The following RTL4 variants were observed in gnomAD, a reference collection of about 807,000 sequenced individuals.
The protein encoded by RTL4 is retrotransposon Gag-like protein 4.
RTL4 carries 4 observed loss-of-function variants against 5.3 expected under a neutral mutation model. That is an observed-to-expected ratio of 0.75 (90% CI 0.37 to 1.72). The LOEUF (loss-of-function observed/expected upper bound fraction) is 1.72. Among genes scored for constraint, RTL4 ranks in the 40% most tolerant of loss-of-function variants. RTL4 has a pLI of 0.04. For synonymous variants in RTL4, 98 were observed against 87.3 expected (o/e 1.12, Z -0.68); for missense variants, 260 against 227.1 (o/e 1.14, Z -0.93).
the RTL4 span, among the ~76,000 whole-genome samples, chrX:112,368,482 G>T: frequency 9.0e-6 from 1 of 110,944 alleles, no homozygotes; most frequent in Admixed American, 9.6e-5. Flanking sequence ...TAGATAATTG[G>T]TTCTCAATAT....
chrX:112,401,816 T>G, the RTL4 span, among the ~76,000 whole-genome samples: 1 of 112,333 alleles, frequency 8.9e-6, no homozygotes, highest in South Asian at 3.7e-4. Flanking sequence ...CCTTAAATAC[T>G]TTAATCAACT....
the RTL4 span, among the ~76,000 whole-genome samples, chrX:112,399,826 A>G: frequency 9.0e-6 from 1 of 111,478 alleles, no homozygotes; most frequent in African/African-American, 3.3e-5. Context: ...ATAGCTCAAA[A>G]AGCCTTGATA....
At chrX:112,455,423 T>G in exon 1 of RTL4, 3 of 1,210,836 alleles carry the variant, frequency 2.5e-6, no homozygotes, top group Non-Finnish European at 3.4e-6. Context: ...GAGACCCAGC[T>G]CCCATTGTTG....
the RTL4 span, among the ~76,000 whole-genome samples, chrX:112,387,340 A>G: frequency 9.6e-6 from 1 of 104,264 alleles, no homozygotes. Context: ...CTCTTTAATT[A>G]AGTCCCACCT....
At chrX:112,198,578 A>G in the RTL4 span, among the ~76,000 whole-genome samples, 176 of 111,631 alleles carry the variant, frequency 1.6e-3, 1 homozygote, top group African/African-American at 5.5e-3. Context: ...TTTGTCCTCT[A>G]TTATTCAATA....
the RTL4 span, among the ~76,000 whole-genome samples, chrX:112,215,005 G>C: frequency 9.0e-6 from 1 of 111,272 alleles, no homozygotes; most frequent in African/African-American, 3.3e-5. Context: ...AGCCAGGATG[G>C]TCTCGATCTC....
the RTL4 span, among the ~76,000 whole-genome samples, chrX:112,113,808 C>T: frequency 8.9e-6 from 1 of 111,828 alleles, no homozygotes; most frequent in Admixed American, 9.5e-5. Flanking sequence ...CAAGCCACAC[C>T]AGTTGATTGG....
At chrX:112,367,656 A>G in the RTL4 span, among the ~76,000 whole-genome samples, 954 of 112,082 alleles carry the variant, frequency 8.5e-3, 16 homozygotes, top group African/African-American at 0.03. Context: ...GCACTCCACT[A>G]TATGCCAGGC....
the RTL4 span, among the ~76,000 whole-genome samples, chrX:112,305,675 C>A: frequency 1.1e-4 from 12 of 111,808 alleles, no homozygotes; most frequent in African/African-American, 3.9e-4. Flanking sequence ...ACAACCATAC[C>A]TTTTTAAATA....
At chrX:112,151,620 T>C in the RTL4 span, among the ~76,000 whole-genome samples, 1 of 112,203 alleles carries the variant, frequency 8.9e-6, no homozygotes, top group South Asian at 3.8e-4. Context: ...TTCCATTCAT[T>C]AGTCTCTCAG....
chrX:112,356,583 T>G, the RTL4 span, among the ~76,000 whole-genome samples: 1 of 105,410 alleles, frequency 9.5e-6, no homozygotes, highest in African/African-American at 3.6e-5. Flanking sequence ...TTTTGGGGTG[T>G]GTGTGTGTGT....
chrX:112,190,218 T>G, the RTL4 span, among the ~76,000 whole-genome samples: 2 of 92,199 alleles, frequency 2.2e-5, no homozygotes. Context: ...TTTCTATACC[T>G]ATGAAATTCT....
chrX:112,370,043 A>G, the RTL4 span, among the ~76,000 whole-genome samples: 1 of 112,009 alleles, frequency 8.9e-6, no homozygotes, highest in Non-Finnish European at 1.9e-5. Flanking sequence ...TGTGTATTAG[A>G]CATTCAACTG....
chrX:112,232,942 G>A, the RTL4 span, among the ~76,000 whole-genome samples: 1 of 111,150 alleles, frequency 9.0e-6, no homozygotes, highest in South Asian at 3.9e-4. Flanking sequence ...TAGGGGGATG[G>A]TGATGGTATT....
the RTL4 span, among the ~76,000 whole-genome samples, chrX:112,403,643 C>T: frequency 8.9e-6 from 1 of 112,111 alleles, no homozygotes; most frequent in Admixed American, 9.4e-5. Flanking sequence ...ATTTATCGCT[C>T]CTGATATTTA....
the RTL4 span, among the ~76,000 whole-genome samples, chrX:112,356,477 G>T: frequency 9.0e-6 from 1 of 111,159 alleles, no homozygotes; most frequent in African/African-American, 3.3e-5. Flanking sequence ...AAAGGATAAA[G>T]GAGAGAGGGA....
At chrX:112,325,470 A>G in the RTL4 span, among the ~76,000 whole-genome samples, 1 of 111,809 alleles carries the variant, frequency 8.9e-6, no homozygotes, top group Non-Finnish European at 1.9e-5. Flanking sequence ...CCAATGGAAC[A>G]GAACGGAGCC....
chrX:112,432,571 T>A, the RTL4 span, among the ~76,000 whole-genome samples: 1 of 98,542 alleles, frequency 1.0e-5, no homozygotes, highest in Non-Finnish European at 2.0e-5. Flanking sequence ...CACTTTTTGA[T>A]GGGGTTGTTT....
chrX:112,389,194 T>C, the RTL4 span, among the ~76,000 whole-genome samples: 1 of 110,641 alleles, frequency 9.0e-6, no homozygotes, highest in African/African-American at 3.3e-5. Context: ...CTTTTCTAGG[T>C]TTTCTAGTTT....
Sources: allele counts gnomAD v4.1 joint callset (sites outside exome capture counted in the v4.1 genomes callset), GRCh38; gene constraint gnomAD v4.1.1; transcripts MANE v1.5; gene names NCBI Gene and HGNC (gene_info 2026-07-23, HGNC 2026-07-21).